TIAM1: variants seen among roughly 807,000 people sequenced by gnomAD.
The protein encoded by TIAM1 is TIAM Rac1 associated GEF 1.
Under a neutral mutation model 163.5 loss-of-function variants are expected in TIAM1, and 65 were observed. The ratio of observed to expected loss-of-function variants is 0.40; its 90% CI spans 0.33 to 0.49. The LOEUF is 0.49. TIAM1 is among the 20% of genes least tolerant of loss of function. The probability of loss-of-function intolerance (pLI) is 0.77; values close to 1 mark genes in which losing one functional copy is unlikely to be tolerated. For missense variants in TIAM1, 1,789 were observed against 2,044.7 expected (o/e 0.87, Z 2.41); for synonymous variants, 833 against 810.1 (o/e 1.03, Z -0.48).
intron 9 of TIAM1, among the ~76,000 whole-genome samples, chr21:31,215,599 T>C (rs1423963928): frequency 7.1e-6 from 1 of 140,550 alleles, no homozygotes; most frequent in Non-Finnish European, 1.5e-5. Context: ...AGAAGAGAAA[T>C]GCTGATGGTT....
At chr21:31,531,897 G>A (rs1307728552) in intron 1 of TIAM1, among the ~76,000 whole-genome samples, 1 of 152,034 alleles carries the variant, frequency 6.6e-6, no homozygotes, top group Non-Finnish European at 1.5e-5. Flanking sequence ...CAGGCAGATT[G>A]CTCGAGTCCA....
At chr21:31,275,663 C>T (rs1467266468) in intron 3 of TIAM1, among the ~76,000 whole-genome samples, 3 of 152,156 alleles carry the variant, frequency 2.0e-5, no homozygotes, top group African/African-American at 7.2e-5. Context: ...GTGATGGTAA[C>T]CTAAATATAC....
intron 2 of TIAM1, among the ~76,000 whole-genome samples, chr21:31,396,913 C>T (rs975994057): frequency 2.6e-5 from 4 of 152,082 alleles, no homozygotes; most frequent in Admixed American, 6.6e-5. Context: ...CGCGCCACTG[C>T]ACTCCAGCCT....
At chr21:31,198,103 A>G (rs1032054630) in intron 12 of TIAM1, among the ~76,000 whole-genome samples, 27 of 152,254 alleles carry the variant, frequency 1.8e-4, no homozygotes, top group Non-Finnish European at 2.6e-4. Context: ...GCCAAGGTCA[A>G]TAACAAAAAA....
chr21:31,469,607 T>C (rs2045663760), intron 1 of TIAM1, among the ~76,000 whole-genome samples: 1 of 151,980 alleles, frequency 6.6e-6, no homozygotes, highest in Non-Finnish European at 1.5e-5. Context: ...GGCAGGCAGA[T>C]CACGAGGTCA....
chr21:31,121,494 G>T (rs1169947151), intron 27 of TIAM1, among the ~76,000 whole-genome samples: 1 of 152,128 alleles, frequency 6.6e-6, no homozygotes, highest in Non-Finnish European at 1.5e-5. Flanking sequence ...AAAAAGAGTG[G>T]CTCTCAAAGA....
At chr21:31,361,124 C>G (rs771951221) in intron 2 of TIAM1, among the ~76,000 whole-genome samples, 1 of 152,136 alleles carries the variant, frequency 6.6e-6, no homozygotes, top group East Asian at 1.9e-4. Flanking sequence ...TCCAAATGAT[C>G]ACCAGCAGTA....
intron 2 of TIAM1, among the ~76,000 whole-genome samples, chr21:31,372,503 T>G (rs947331199): frequency 4.0e-5 from 6 of 151,532 alleles, no homozygotes; most frequent in Middle Eastern, 3.4e-3. Flanking sequence ...ACGAGAGCAG[T>G]GGGAGAGGAG....
chr21:31,314,374 T>C (rs2075034516), intron 2 of TIAM1, among the ~76,000 whole-genome samples: 1 of 152,182 alleles, frequency 6.6e-6, no homozygotes, highest in South Asian at 2.1e-4. Context: ...TTATATAAAA[T>C]GTTAGTAAGC....
chr21:31,337,183 A>G (rs1002087206), intron 2 of TIAM1, among the ~76,000 whole-genome samples: 1 of 152,190 alleles, frequency 6.6e-6, no homozygotes, highest in Non-Finnish European at 1.5e-5. Flanking sequence ...AGAGAAAACC[A>G]GAAAGTAGGT....
chr21:31,205,894 G>T (rs1470490483), intron 11 of TIAM1, among the ~76,000 whole-genome samples: 1 of 152,110 alleles, frequency 6.6e-6, no homozygotes, highest in African/African-American at 2.4e-5. Flanking sequence ...CTTGAGCCTG[G>T]GAGGGCAAGG....
upstream of TIAM1, among the ~76,000 whole-genome samples, chr21:31,347,081 A>G (rs2076160539): frequency 6.6e-6 from 1 of 152,192 alleles, no homozygotes; most frequent in African/African-American, 2.4e-5. Flanking sequence ...TGTTGGATTA[A>G]ACCAAATAGT....
chr21:31,268,928 A>G (rs533445241), intron 3 of TIAM1, among the ~76,000 whole-genome samples: 1 of 152,314 alleles, frequency 6.6e-6, no homozygotes, highest in East Asian at 1.9e-4. Flanking sequence ...TTTTGCCAAT[A>G]AATAAAGACT....
At chr21:31,528,648 T>A (rs1235100307) in intron 1 of TIAM1, among the ~76,000 whole-genome samples, 3 of 150,334 alleles carry the variant, frequency 2.0e-5, no homozygotes, top group Non-Finnish European at 3.0e-5. Flanking sequence ...ACTAAAAAAA[T>A]AAAAAAATTA....
intron 2 of TIAM1, among the ~76,000 whole-genome samples, chr21:31,410,309 AGT>A (rs921022231): frequency 1.3e-4 from 19 of 151,378 alleles, no homozygotes; most frequent in Admixed American, 4.6e-4. Context: ...GTAATGAGAC[AGT>A]GTGTGTGTGA....
intron 2 of TIAM1, among the ~76,000 whole-genome samples, chr21:31,302,028 G>A (rs1028904491): frequency 6.6e-6 from 1 of 151,516 alleles, no homozygotes; most frequent in Non-Finnish European, 1.5e-5. Context: ...TAAATAGCCT[G>A]CAATGCTATC....
At chr21:31,233,034 C>T in intron 6 of TIAM1, among the ~76,000 whole-genome samples, 1 of 152,190 alleles carries the variant, frequency 6.6e-6, no homozygotes, top group African/African-American at 2.4e-5. Context: ...CTCAGGACTT[C>T]ATTATGTATT....
intron 2 of TIAM1, among the ~76,000 whole-genome samples, chr21:31,387,498 C>T (rs2076895222): frequency 6.6e-6 from 1 of 151,838 alleles, no homozygotes; most frequent in South Asian, 2.1e-4. Flanking sequence ...CAGGCATGAG[C>T]CACCGAGCCT....
intron 14 of TIAM1, among the ~76,000 whole-genome samples, chr21:31,183,852 GC>G (rs1225005129): frequency 6.0e-5 from 9 of 151,260 alleles, no homozygotes; most frequent in Admixed American, 5.3e-4. Flanking sequence ...TCACCACCAC[GC>G]CCAGCTATTT....
Sources: allele counts gnomAD v4.1 joint callset (sites outside exome capture counted in the v4.1 genomes callset), GRCh38; gene constraint gnomAD v4.1.1; transcripts MANE v1.5; gene names NCBI Gene and HGNC (gene_info 2026-07-23, HGNC 2026-07-21).